The following OPCML variants were observed in gnomAD, a reference collection of about 807,000 sequenced individuals.
The protein encoded by OPCML is opioid binding protein/cell adhesion molecule like.
A neutral mutation model predicts 37.8 loss-of-function variants in OPCML; 13 were observed. The ratio of observed to expected loss-of-function variants is 0.34; its 90% CI spans 0.22 to 0.55. The LOEUF (loss-of-function observed/expected upper bound fraction) is 0.55, where lower values mean the gene tolerates loss of function less well. Ranked by LOEUF, OPCML falls within the 20% of genes least tolerant of loss-of-function variation. The pLI, the probability that OPCML is intolerant of heterozygous loss-of-function variation, is 0.91. For synonymous variants in OPCML, 176 were observed against 168.8 expected, an observed-to-expected ratio of 1.04 and a Z score of -0.33; for missense variants, 341 against 435.6, an observed-to-expected ratio of 0.78 and a Z score of 1.93.
chr11:132,747,050 T>C (rs1470311319), intron 2 of OPCML, among the ~76,000 whole-genome samples: 1 of 152,134 alleles, frequency 6.6e-6, no homozygotes, highest in Non-Finnish European at 1.5e-5. Flanking sequence ...GCAAGATGCA[T>C]GTAGGGTAAT....
intron 1 of OPCML, among the ~76,000 whole-genome samples, chr11:132,977,331 CCTCT>C (rs1292067059): frequency 6.6e-6 from 1 of 151,926 alleles, no homozygotes; most frequent in African/African-American, 2.4e-5. Flanking sequence ...GGAAGGTCTA[CCTCT>C]CTCTCTCTGC....
intron 2 of OPCML, among the ~76,000 whole-genome samples, chr11:132,797,550 C>T (rs1399766264): frequency 6.6e-6 from 1 of 152,154 alleles, no homozygotes; most frequent in Non-Finnish European, 1.5e-5. Flanking sequence ...ATAAACATTT[C>T]CGTTTTCCAG....
At chr11:133,480,551 C>A (rs983323306) in intron 1 of OPCML, among the ~76,000 whole-genome samples, 3 of 152,208 alleles carry the variant, frequency 2.0e-5, no homozygotes, top group African/African-American at 7.2e-5. Context: ...TTGAACTATG[C>A]CCTCAGGCAG....
At chr11:132,673,323 G>A (rs1441608486) in intron 2 of OPCML, among the ~76,000 whole-genome samples, 1 of 152,118 alleles carries the variant, frequency 6.6e-6, no homozygotes, top group Admixed American at 6.5e-5. Flanking sequence ...TGATGGTGGT[G>A]CAAACAGAGA....
At chr11:133,182,610 G>T (rs1474877220) in intron 1 of OPCML, among the ~76,000 whole-genome samples, 1 of 152,140 alleles carries the variant, frequency 6.6e-6, no homozygotes, top group Non-Finnish European at 1.5e-5. Context: ...AATGCCAAGT[G>T]CTGGGAACCT....
rs554494815 is a variant in OPCML at position 132,415,327 on chromosome 11, A to G, written c.*4866T>C. Reference sequence around the variant, plus strand: ...GCTATAACGGCACCATTGATAAGTCATAATTTTTTTTTAAATCTAAAGGAC... The same window carrying G: ...GCTATAACGGCACCATTGATAAGTCGTAATTTTTTTTTAAATCTAAAGGAC... On this transcript the variant is annotated 3_prime_UTR_variant, in exon 8 of 8. Transcript: ENST00000524381. The G allele has an allele frequency of 1.2e-4, 19 of 152,670 alleles. No homozygotes were observed. Among genetic ancestry groups the G allele is most frequent in the African/African-American group, 4.6e-4 (19 of 41,564 alleles). The allele number at this position is 152,670 out of a possible 1,614,324, so 9.5% of individuals were successfully genotyped here. A position where few individuals can be genotyped will look rare whatever the true frequency, so the allele number is the denominator to read the frequency against.
Position 133,140,991 on chromosome 11 carries a change from AGAAGAAGACGAC to A in OPCML, c.62-197993_62-197982del, listed in dbSNP as rs1447650535. ...AAGAAGAAGAAGAAGAAGAAGAAGA[AGAAGAAGACGAC>A]GACGACGACGACGACGACGACGACG... On this transcript the variant is annotated intron_variant, in intron 1 of 7. Coordinates refer to ENST00000524381, the MANE Select transcript of OPCML (RefSeq NM_001012393.5). Among the ~76,000 whole-genome samples the A allele has an allele frequency of 1.2e-3, 5 of 4,300 alleles. 1 individual carries two copies. Among genetic ancestry groups the A allele is most frequent in the Non-Finnish European group, 1.7e-3 (2 of 1,168 alleles). The allele number at this position is 4,300 out of a possible 152,430, so 2.8% of individuals were successfully genotyped here. A position where few individuals can be genotyped will look rare whatever the true frequency, so the allele number is the denominator to read the frequency against.
intron 4 of OPCML, among the ~76,000 whole-genome samples, chr11:132,458,770 C>T (rs966047970): frequency 2.0e-5 from 3 of 152,098 alleles, no homozygotes; most frequent in East Asian, 3.9e-4. Flanking sequence ...GTAAATAATG[C>T]CAATGTCTGC....
chr11:133,007,530 G>A (rs1947135332), intron 1 of OPCML: 2 of 985,418 alleles, frequency 2.0e-6, no homozygotes, highest in South Asian at 4.7e-5. Flanking sequence ...TGGAAGGCAG[G>A]GTGGGGAACT....
chr11:132,512,765 T>C (rs2096271680), intron 4 of OPCML, among the ~76,000 whole-genome samples: 2 of 151,904 alleles, frequency 1.3e-5, no homozygotes, highest in South Asian at 2.1e-4. Context: ...AATATATATA[T>C]ATTAAACTCT....
chr11:132,548,900 G>C (rs2096374987), intron 3 of OPCML, among the ~76,000 whole-genome samples: 1 of 152,158 alleles, frequency 6.6e-6, no homozygotes, highest in African/African-American at 2.4e-5. Flanking sequence ...TAAAATATAT[G>C]TAAATTGTAT....
At chr11:132,575,911 A>G (rs2096449432) in intron 3 of OPCML, among the ~76,000 whole-genome samples, 1 of 152,078 alleles carries the variant, frequency 6.6e-6, no homozygotes, top group Non-Finnish European at 1.5e-5. Context: ...TTTGCCAGGC[A>G]TAGTAATCTT....
rs536848655 is a variant in OPCML, at chr11:132,747,591, A to G, written c.147-90272T>C. ...GGCCCACTGGGAGACGGCATCGTGA[A>G]GTGAAATCAGCCCAGAGCCTCTTCC... On this transcript the variant is annotated intron_variant, in intron 2 of 7. Transcript: ENST00000524381. Among the ~76,000 whole-genome samples the G allele has an allele frequency of 2.0e-5, 3 of 152,324 alleles. No homozygotes were observed. In the South Asian group the frequency reaches 6.2e-4, roughly 32 times the overall value.
intron 1 of OPCML, among the ~76,000 whole-genome samples, chr11:133,121,999 A>G (rs1005323750): frequency 4.6e-5 from 7 of 152,192 alleles, no homozygotes; most frequent in Non-Finnish European, 1.0e-4. Flanking sequence ...TTTGAAGCAT[A>G]TTGATGTAGG....
intron 1 of OPCML, among the ~76,000 whole-genome samples, chr11:133,109,288 T>G (rs1454881494): frequency 1.3e-5 from 2 of 152,134 alleles, no homozygotes; most frequent in African/African-American, 4.8e-5. Flanking sequence ...AGGTTTGTTT[T>G]GAAGAGCAAA....
intron 1 of OPCML, among the ~76,000 whole-genome samples, chr11:133,129,106 C>T (rs956694916): frequency 1.3e-5 from 2 of 152,150 alleles, no homozygotes; most frequent in African/African-American, 4.8e-5. Flanking sequence ...AACTGAAAGA[C>T]TCTCTGAGTT....
At chr11:133,222,881 G>A (rs146904376) in intron 1 of OPCML, among the ~76,000 whole-genome samples, 240 of 152,228 alleles carry the variant, frequency 1.6e-3, no homozygotes, top group African/African-American at 5.4e-3. Flanking sequence ...AGGAGGAGAC[G>A]AAAGAGCAGG....
At chr11:132,537,390 C>G (rs1045151655) in intron 3 of OPCML, among the ~76,000 whole-genome samples, 1 of 152,166 alleles carries the variant, frequency 6.6e-6, no homozygotes, top group African/African-American at 2.4e-5. Flanking sequence ...CCTTGCAAGA[C>G]AGTGAAGTTG....
At chr11:132,989,125 A>G (rs1174745620) in intron 1 of OPCML, among the ~76,000 whole-genome samples, 1 of 152,158 alleles carries the variant, frequency 6.6e-6, no homozygotes, top group Non-Finnish European at 1.5e-5. Context: ...GTTTGGCAAC[A>G]CCTTCCATAT....
Sources: allele counts gnomAD v4.1 joint callset (sites outside exome capture counted in the v4.1 genomes callset), GRCh38; gene constraint gnomAD v4.1.1; transcripts MANE v1.5; gene names NCBI Gene and HGNC (gene_info 2026-07-23, HGNC 2026-07-21).